HSPA12A: variants seen among roughly 807,000 people sequenced by gnomAD.
The protein encoded by HSPA12A is heat shock protein family A (Hsp70) member 12A.
Under a neutral mutation model 69.2 loss-of-function variants are expected in HSPA12A, and 28 were observed. That is an observed-to-expected ratio of 0.40 (90% CI 0.30 to 0.55). The LOEUF (loss-of-function observed/expected upper bound fraction) is 0.55. Among genes scored for constraint, HSPA12A ranks in the 20% least tolerant of loss-of-function variants. HSPA12A has a pLI of 0.38. For missense variants in HSPA12A, 686 were observed against 900.7 expected (o/e 0.76, Z 3.05); for synonymous variants, 345 against 370.5 (o/e 0.93, Z 0.79).
At chr10:116,731,221 G>A (rs185112890) in intron 1 of HSPA12A, among the ~76,000 whole-genome samples, 17 of 152,334 alleles carry the variant, frequency 1.1e-4, no homozygotes, top group African/African-American at 3.6e-4. Context: ...GTTTTAAAAC[G>A]AATTTTGCTT....
rs61745196 is a variant in HSPA12A, at chr10:116,701,097, T to C, written c.287A>G (p.Asn96Ser). The stretch of plus-strand genomic sequence containing the variant: ...CAAGATGGTGGTTGGAGTCTTCTGA[T>C]TGGACACACCAGGGTCACCTCCCTC... ...RWEGGDPGVS[N>S]QKTPTTILLT... Residue 96 changes from asparagine to serine, a missense_variant, in exon 4 of 12, where the codon AAT (asparagine) becomes AGT (serine). By Grantham distance (46) the Asn-to-Ser change is conservative. Coordinates refer to ENST00000369209, the MANE Select transcript of HSPA12A (RefSeq NM_025015.3). The C allele has an allele frequency of 2.2e-4, 351 of 1,614,132 alleles. 1 individual carries two copies. The African/African-American group carries it at 4.1e-3, about 19-fold the overall frequency.
intron 9 of HSPA12A, among the ~76,000 whole-genome samples, chr10:116,680,754 G>A (rs1032154918): frequency 3.9e-5 from 6 of 152,182 alleles, no homozygotes; most frequent in African/African-American, 1.4e-4. Flanking sequence ...CAAAGTGCTG[G>A]GATTACAGGC....
In HSPA12A at chr10:116,723,213, C is replaced by T. The variant is rs1350390034; in HGVS notation, c.41-15928G>A. ...TCCATTACCCCCTAACCATTGCCCC[C>T]CCATCATTCCTGTCCTCATACAACC... On this transcript the variant is annotated intron_variant, in intron 1 of 11. Transcript: ENST00000369209. This position sits in a 1 kb window ranked among gnomAD's most constrained non-coding sequence, Gnocchi z 4.1. Among the ~76,000 whole-genome samples, 1 of 151,880 alleles carries T rather than the reference C, an allele frequency of 6.6e-6. No individual in the cohort carries two copies. Among genetic ancestry groups the T allele is most frequent in the Non-Finnish European group, 1.5e-5 (1 of 67,936 alleles).
At chr10:116,772,491 T>C (rs1339576377) in intron 2 of HSPA12A, among the ~76,000 whole-genome samples, 1 of 152,132 alleles carries the variant, frequency 6.6e-6, no homozygotes, top group East Asian at 1.9e-4. Context: ...CAGGGAATAT[T>C]TGTAACAGCC....
intron 2 of HSPA12A, among the ~76,000 whole-genome samples, chr10:116,781,791 G>A (rs972393981): frequency 6.6e-6 from 1 of 152,148 alleles, no homozygotes; most frequent in Admixed American, 6.5e-5. Context: ...GTTGGGTAGG[G>A]GGTGTCCTCC....
chr10:116,750,895 C>T (rs990805670), intron 2 of HSPA12A, among the ~76,000 whole-genome samples: 3 of 151,990 alleles, frequency 2.0e-5, no homozygotes, highest in Admixed American at 6.6e-5. Context: ...ATCGCTTTAG[C>T]CTCGGAGGTC....
chr10:116,725,510 C>A (rs545072783), intron 1 of HSPA12A, among the ~76,000 whole-genome samples: 3 of 152,122 alleles, frequency 2.0e-5, no homozygotes, highest in Non-Finnish European at 2.9e-5. Context: ...AAGGGGCAGG[C>A]GAGCAGGGGA....
chr10:116,681,110 A>G (rs782667673), intron 9 of HSPA12A, 42 bp downstream of exon 9: 9 of 1,342,972 alleles, frequency 6.7e-6, no homozygotes, highest in Non-Finnish European at 8.6e-6. Flanking sequence ...AACTGCCTGG[A>G]ATTGGCTCAG....
At chr10:116,770,896 G>GA (rs1434709103) in intron 2 of HSPA12A, among the ~76,000 whole-genome samples, 1 of 130,894 alleles carries the variant, frequency 7.6e-6, no homozygotes, top group Non-Finnish European at 1.5e-5. Context: ...AGCCTCTCTT[G>GA]GGGGAGATTT....
intron 5 of HSPA12A, among the ~76,000 whole-genome samples, 178 bp from the exon 6 acceptor site, chr10:116,692,645 C>T (rs927590237): frequency 1.3e-5 from 2 of 152,146 alleles, no homozygotes; most frequent in South Asian, 2.1e-4. Context: ...TTCTGCAAGC[C>T]GGGAGCTCTA....
In HSPA12A at chr10:116,742,477, C is replaced by CA. The variant is rs1851545208; in HGVS notation, c.-9dup. The CA allele has an allele frequency of 7.4e-7, 1 of 1,356,594 alleles. No individual in the cohort carries two copies. The highest frequency in any genetic ancestry group is 9.5e-7 in the Non-Finnish European group (1 of 1,052,660). 84.0% of individuals were successfully genotyped at this position (1,356,594 alleles called of 1,614,324 possible). ...GGCCTCCTTGTCCGCCATGGTCGCG[C>CA]AGCCCCGGACCGCGAGGGGAGCCTC... On this transcript the variant is annotated 5_prime_UTR_variant, in exon 1 of 12. Coordinates refer to ENST00000369209, the MANE Select transcript of HSPA12A (RefSeq NM_025015.3).
chr10:116,729,771 G>C lies in HSPA12A; in HGVS notation c.40+12659C>G, dbSNP rs539313792. ...TCAAGGGCCAACTGTATCTACATTT[G>C]TCAAAACTCATGGAACTGTACACCC... On this transcript the variant is annotated intron_variant, in intron 1 of 11. Coordinates refer to ENST00000369209, the MANE Select transcript of HSPA12A (RefSeq NM_025015.3). 5.9e-5 allele frequency among the ~76,000 whole-genome samples: 9 copies of C among 152,244 alleles called. No homozygotes were observed. The East Asian group carries it at 1.7e-3, about 29-fold the overall frequency.
chr10:116,827,053 T>C (rs1182036004), intron 2 of HSPA12A, among the ~76,000 whole-genome samples: 2 of 152,178 alleles, frequency 1.3e-5, no homozygotes, highest in Non-Finnish European at 2.9e-5. Context: ...TCCGCAGATG[T>C]TGGCTGAATG....
intron 1 of HSPA12A, among the ~76,000 whole-genome samples, chr10:116,726,639 C>T (rs147068079): frequency 0.01 from 1,554 of 152,274 alleles, 12 homozygotes; most frequent in Non-Finnish European, 0.013. Flanking sequence ...GGGGCTGCCC[C>T]TCAACACTCC....
chr10:116,774,065 A>G (rs2133123140), intron 2 of HSPA12A, among the ~76,000 whole-genome samples: 1 of 150,130 alleles, frequency 6.7e-6, no homozygotes, highest in East Asian at 2.0e-4. Context: ...GCTGGAGTGC[A>G]GTGGCGGGAT....
chr10:116,780,067 C>T (rs1345483243), intron 2 of HSPA12A, among the ~76,000 whole-genome samples: 12 of 152,296 alleles, frequency 7.9e-5, no homozygotes, highest in African/African-American at 2.9e-4. Context: ...CCTTCTCACG[C>T]GAAGGGCAAA....
intron 7 of HSPA12A, among the ~76,000 whole-genome samples, chr10:116,682,705 A>G (rs1298340137): frequency 1.3e-5 from 2 of 150,998 alleles, no homozygotes; most frequent in Non-Finnish European, 3.0e-5. Context: ...AGTTCCCACA[A>G]TTTTTTTTTC....
intron 2 of HSPA12A, among the ~76,000 whole-genome samples, chr10:116,815,917 C>T (rs1326149276): frequency 1.3e-5 from 2 of 152,208 alleles, no homozygotes; most frequent in African/African-American, 4.8e-5. Flanking sequence ...CTCTCGGCCC[C>T]CGCGGCCCTA....
chr10:116,798,410 T>C (rs1400909017), intron 2 of HSPA12A, among the ~76,000 whole-genome samples: 1 of 152,208 alleles, frequency 6.6e-6, no homozygotes, highest in African/African-American at 2.4e-5. Flanking sequence ...GACAGACATG[T>C]CTGCCACTTA....
Sources: gnomAD v4.1 joint callset for allele counts (sites outside exome capture counted in the v4.1 genomes callset) on GRCh38, gnomAD v4.1.1 for gene constraint, Gnocchi (gnomAD v3.1) non-coding constraint, MANE v1.5 for transcripts, NCBI Gene and HGNC (gene_info 2026-07-23, HGNC 2026-07-21) for gene names.